The following EXOC2 variants were observed in gnomAD, a reference collection of about 807,000 sequenced individuals.
EXOC2 encodes the protein SEC5-like 1.
In EXOC2, 70 loss-of-function variants were observed where a neutral mutation model predicts 131.8. That is an observed-to-expected ratio of 0.53 (90% confidence interval 0.44 to 0.65). The LOEUF (loss-of-function observed/expected upper bound fraction) is 0.65, where lower values mean the gene tolerates loss of function less well. EXOC2 is among the 30% of genes least tolerant of loss of function. EXOC2 has a pLI of 0.00. For missense variants in EXOC2, 923 were observed against 1,108.6 expected (o/e 0.83, Z 2.38); for synonymous variants, 411 against 398.4 (o/e 1.03, Z -0.38).
intron 4 of EXOC2, 126 bp from the exon 5 acceptor site, chr6:619,669 C>T: frequency 1.7e-6 from 1 of 580,286 alleles, no homozygotes; most frequent in Non-Finnish European, 3.1e-6. Context: ...ATTAATCATA[C>T]ATTACCCAGA....
intron 1 of EXOC2, among the ~76,000 whole-genome samples, chr6:645,726 T>C (rs1346179457): frequency 2.0e-5 from 3 of 152,232 alleles, no homozygotes; most frequent in Non-Finnish European, 2.9e-5. Flanking sequence ...TTTCTAGCTT[T>C]GTACATTGAG....
chr6:672,245 TGTTA>T (rs1312108839), intron 1 of EXOC2, among the ~76,000 whole-genome samples: 1 of 152,252 alleles, frequency 6.6e-6, no homozygotes, highest in Non-Finnish European at 1.5e-5. Flanking sequence ...TCTTCTCTTC[TGTTA>T]GTGTTATTTC....
intron 2 of EXOC2, among the ~76,000 whole-genome samples, chr6:635,377 T>C (rs1762051406): frequency 6.6e-6 from 1 of 152,240 alleles, no homozygotes; most frequent in Non-Finnish European, 1.5e-5. Context: ...TCAGCTGCTT[T>C]CACGATTCCT....
chr6:580,687 C>T (rs1329622901), intron 11 of EXOC2, among the ~76,000 whole-genome samples: 2 of 152,020 alleles, frequency 1.3e-5, no homozygotes, highest in African/African-American at 4.8e-5. Flanking sequence ...TCTGTGGCAG[C>T]TCACCGAGGC....
chr6:666,811 C>T lies in EXOC2; in HGVS notation c.-44+26208G>A, dbSNP rs1408489078. On this transcript the variant is annotated intron_variant, in intron 1 of 27. Coordinates refer to ENST00000230449, the MANE Select transcript of EXOC2 (RefSeq NM_018303.6). The stretch of plus-strand genomic sequence containing the variant: ...CAACATTACAGTATCATACTGAATA[C>T]TTTCACTGCCTTAAAAGTCCCATTT... Among the ~76,000 whole-genome samples the T allele has an allele frequency of 9.3e-5, 9 of 96,736 alleles. 1 individual carries two copies. The highest frequency in any genetic ancestry group is 2.8e-4 in the African/African-American group (9 of 32,640). 63.5% of individuals were successfully genotyped at this position (96,736 alleles called of 152,430 possible). A position where few individuals can be genotyped will look rare whatever the true frequency, so the allele number is the denominator to read the frequency against.
chr6:510,425 G>A (rs1057477550), intron 23 of EXOC2, among the ~76,000 whole-genome samples: 1 of 151,794 alleles, frequency 6.6e-6, no homozygotes, highest in Non-Finnish European at 1.5e-5. Flanking sequence ...ATTGATCAGC[G>A]TGATCAATCT....
chr6:540,308 A>C (rs2493043), intron 22 of EXOC2, among the ~76,000 whole-genome samples: 145,484 of 152,286 alleles, frequency 0.96, 69,566 homozygotes, highest in East Asian at 1. Context: ...TTAGGCTTCA[A>C]TTGTTTGCTC....
At chr6:589,303 C>T (rs1437307541) in intron 11 of EXOC2, among the ~76,000 whole-genome samples, 1 of 151,244 alleles carries the variant, frequency 6.6e-6, no homozygotes, top group Admixed American at 6.6e-5. Flanking sequence ...GTCTCAATGC[C>T]GATCCAGAGA....
chr6:616,495 C>T (rs943219579), intron 6 of EXOC2, among the ~76,000 whole-genome samples: 6 of 147,854 alleles, frequency 4.1e-5, no homozygotes, highest in South Asian at 4.4e-4. Context: ...CCCAGCTCCT[C>T]GGGAGGCTGA....
intron 11 of EXOC2, among the ~76,000 whole-genome samples, chr6:582,291 T>C (rs1339574921): frequency 6.6e-6 from 1 of 152,082 alleles, no homozygotes; most frequent in Non-Finnish European, 1.5e-5. Context: ...AAGAGACCCT[T>C]CTTAAGGGAA....
At chr6:596,027 TGC>T (rs1759797499) in intron 10 of EXOC2, among the ~76,000 whole-genome samples, 1 of 152,242 alleles carries the variant, frequency 6.6e-6, no homozygotes, top group East Asian at 1.9e-4. Context: ...TCACTGTGTG[TGC>T]TGGGCAAGCT....
rs78224814 is a variant in EXOC2 at position 626,892 on chromosome 6, C to T, written c.422+2943G>A. 3.2e-3 allele frequency among the ~76,000 whole-genome samples: 482 copies of T among 152,262 alleles called. 3 individuals carry two copies. The highest frequency in any genetic ancestry group is 9.3e-3 in the African/African-American group (387 of 41,554). On this transcript the variant is annotated intron_variant, in intron 4 of 27. Transcript: ENST00000230449. ...ACAGGCGTGAGCCACCACGCCCGGC[C>T]GCAAACTTTTTTAAGTATGTTTCCA...
chr6:580,662 C>A (rs545442137), intron 11 of EXOC2, among the ~76,000 whole-genome samples: 31 of 152,136 alleles, frequency 2.0e-4, no homozygotes, highest in African/African-American at 7.2e-4. Context: ...CATGGCCATG[C>A]AGTTGGTATC....
chr6:531,647 A>G (rs1457868020), intron 23 of EXOC2, among the ~76,000 whole-genome samples: 1 of 152,284 alleles, frequency 6.6e-6, no homozygotes, highest in Non-Finnish European at 1.5e-5. Context: ...AATAAAAACA[A>G]AAGGAGGTTA....
chr6:517,429 A>T (rs547884062), intron 23 of EXOC2, among the ~76,000 whole-genome samples: 2 of 152,186 alleles, frequency 1.3e-5, no homozygotes, highest in African/African-American at 4.8e-5. Context: ...ATAAAAAAAT[A>T]CCTTAGTAAT....
At chr6:638,745 C>T (rs760292706) in intron 1 of EXOC2, among the ~76,000 whole-genome samples, 3 of 152,116 alleles carry the variant, frequency 2.0e-5, no homozygotes, top group Admixed American at 6.5e-5. Context: ...GCCTGACCAA[C>T]GTGGTGAAAC....
chr6:596,162 G>A (rs1299015393), intron 10 of EXOC2, among the ~76,000 whole-genome samples: 4 of 151,832 alleles, frequency 2.6e-5, no homozygotes, highest in African/African-American at 9.7e-5. Context: ...ACGTGCAGGG[G>A]TGGCAGCATG....
chr6:529,128 G>A (rs922408068), intron 23 of EXOC2, among the ~76,000 whole-genome samples: 25 of 140,764 alleles, frequency 1.8e-4, no homozygotes, highest in African/African-American at 4.5e-4. Flanking sequence ...CCCCCCCCGC[G>A]CCCTGGTTAC....
intron 6 of EXOC2, among the ~76,000 whole-genome samples, chr6:615,364 T>C (rs749209773): frequency 5.3e-4 from 80 of 152,084 alleles, no homozygotes; most frequent in Non-Finnish European, 9.7e-4. Context: ...CACAGCACTA[T>C]CCATGCCTAA....
Sources: allele counts gnomAD v4.1 joint callset (sites outside exome capture counted in the v4.1 genomes callset), GRCh38; gene constraint gnomAD v4.1.1; transcripts MANE v1.5; gene names NCBI Gene and HGNC (gene_info 2026-07-23, HGNC 2026-07-21).